Variants in INTS6 observed in about 807,000 individuals in gnomAD.
The protein encoded by INTS6 is integrator complex subunit 6, also known as DEAD box protein.
Under a neutral mutation model 104.9 loss-of-function variants are expected in INTS6, and 16 were observed. The ratio of observed to expected loss-of-function variants is 0.15; its 90% confidence interval spans 0.10 to 0.23. The LOEUF is 0.23. Among genes scored for constraint, INTS6 ranks in the 10% least tolerant of loss-of-function variants. The pLI is 1.00. For missense variants in INTS6, 584 were observed against 1,062.8 expected (o/e 0.55, Z 6.26); for synonymous variants, 324 against 358.7 (o/e 0.90, Z 1.09).
intron 3 of INTS6, among the ~76,000 whole-genome samples, chr13:51,434,016 C>T (rs1023890803): frequency 2.0e-5 from 3 of 152,216 alleles, no homozygotes; most frequent in African/African-American, 2.4e-5. Context: ...CTAAAATCCA[C>T]ATGGTCTTTC....
chr13:51,452,544 C>G lies in INTS6; in HGVS notation c.-19G>C. On this transcript the variant is annotated 5_prime_UTR_variant, in exon 1 of 18. Coordinates refer to ENST00000311234, the MANE Select transcript of INTS6 (RefSeq NM_012141.3). This position sits in a 1 kb window ranked among gnomAD's most constrained non-coding sequence, Gnocchi z 4.2. ...TGGGCATAGTGCTGGCCGGGGACAC[C>G]GGGGCCCGAGGTGGTGGAGAAAGAG... 6.2e-7 allele frequency: 1 copy of G among 1,607,944 alleles called. No individual in the cohort carries two copies. The highest frequency in any genetic ancestry group is 8.5e-7 in the Non-Finnish European group (1 of 1,176,434).
chr13:51,358,034 G>T (rs1473384874), downstream of INTS6, among the ~76,000 whole-genome samples: 1 of 152,136 alleles, frequency 6.6e-6, no homozygotes, highest in Non-Finnish European at 1.5e-5. Context: ...AATTGCAATA[G>T]AAAGAGGTGC....
At chr13:51,449,062 A>G (rs1006977186) in intron 3 of INTS6, 1 of 152,250 alleles carries the variant, frequency 6.6e-6, no homozygotes, top group African/African-American at 2.4e-5. Flanking sequence ...GATGAAAAAA[A>G]TCTTCTGGAA....
intron 15 of INTS6, among the ~76,000 whole-genome samples, chr13:51,372,578 G>A (rs1427031928): frequency 6.6e-6 from 1 of 152,064 alleles, no homozygotes; most frequent in African/African-American, 2.4e-5. Flanking sequence ...CTTCTCCTGA[G>A]CCCAAACTCA....
At chr13:51,437,023 T>TG (rs1276797062) in intron 3 of INTS6, 1 of 152,016 alleles carries the variant, frequency 6.6e-6, no homozygotes, top group African/African-American at 2.4e-5. Flanking sequence ...GAGACCGAGG[T>TG]GGGAGGACTG....
At chr13:51,417,003 C>A (rs1160028317) in intron 4 of INTS6, among the ~76,000 whole-genome samples, 1 of 152,192 alleles carries the variant, frequency 6.6e-6, no homozygotes, top group African/African-American at 2.4e-5. Flanking sequence ...CATGTACTTA[C>A]TAGCCATTTA....
chr13:51,356,927 C>A (rs1441922557), downstream of INTS6, among the ~76,000 whole-genome samples: 1 of 152,092 alleles, frequency 6.6e-6, no homozygotes, highest in Non-Finnish European at 1.5e-5. Context: ...TTCCTACTGA[C>A]AAAACATGCC....
At chr13:51,426,658 A>G (rs1956990634) in intron 4 of INTS6, among the ~76,000 whole-genome samples, 1 of 152,102 alleles carries the variant, frequency 6.6e-6, no homozygotes, top group Non-Finnish European at 1.5e-5. Flanking sequence ...TAAGAACCAG[A>G]TATGTCCTGT....
At chr13:51,346,999 T>C in the INTS6 span, 3 of 1,535,560 alleles carry the variant, frequency 2.0e-6, no homozygotes, top group Non-Finnish European at 2.7e-6. Flanking sequence ...ATTTAACCCA[T>C]GGCCACCTTG....
chr13:51,424,120 T>C (rs937294461), intron 4 of INTS6, among the ~76,000 whole-genome samples: 6 of 152,096 alleles, frequency 3.9e-5, no homozygotes, highest in Non-Finnish European at 7.4e-5. Flanking sequence ...GAAACATCTC[T>C]AAATAAAATT....
chr13:51,422,764 C>G (rs1956918217), intron 4 of INTS6, among the ~76,000 whole-genome samples: 1 of 152,148 alleles, frequency 6.6e-6, no homozygotes, highest in South Asian at 2.1e-4. Flanking sequence ...CCTTAGGGTG[C>G]TATTACCTGC....
At chr13:51,400,443 C>A (rs1956415984) in intron 4 of INTS6, among the ~76,000 whole-genome samples, 1 of 152,056 alleles carries the variant, frequency 6.6e-6, no homozygotes, top group Admixed American at 6.5e-5. Flanking sequence ...ATTATTTTCC[C>A]ACTTAAAATC....
At chr13:51,397,911 CTG>C (rs1555286581) in intron 4 of INTS6, among the ~76,000 whole-genome samples, 1 of 151,876 alleles carries the variant, frequency 6.6e-6, no homozygotes, top group Non-Finnish European at 1.5e-5. Flanking sequence ...TGGCCTTTGG[CTG>C]TACAATGCTG....
intron 3 of INTS6, among the ~76,000 whole-genome samples, chr13:51,433,532 A>G (rs925189401): frequency 1.3e-5 from 2 of 152,268 alleles, no homozygotes; most frequent in Non-Finnish European, 1.5e-5. Flanking sequence ...ATTATCTTTC[A>G]GAGGCAAGAG....
Position 51,379,458 on chromosome 13 carries a change from T to C in INTS6, c.1386+4A>G. 2 of 1,553,190 alleles carry C rather than the reference T, an allele frequency of 1.3e-6. No individual in the cohort carries two copies. Among genetic ancestry groups the C allele is most frequent in the South Asian group, 1.2e-5 (1 of 86,764 alleles). ...TAATGGCTCACTCTATTTCTTGATA[T>C]TACCTGTTGACTCAGTTTTTTGAGG... On this transcript the variant is annotated splice_donor_region_variant and intron_variant, in intron 11 of 17. Coordinates refer to ENST00000311234, the MANE Select transcript of INTS6 (RefSeq NM_012141.3).
intron 4 of INTS6, among the ~76,000 whole-genome samples, chr13:51,399,880 C>A (rs1956405586): frequency 6.6e-6 from 1 of 152,124 alleles, no homozygotes; most frequent in African/African-American, 2.4e-5. Context: ...GGTTGTCTAG[C>A]TTTCTCTTAT....
Position 51,364,028 on chromosome 13 carries a change from A to AAT in INTS6, c.*1722_*1723dup. 3.0e-6 allele frequency: 1 copy of AAT among 337,778 alleles called. No homozygotes were observed. The highest frequency in any genetic ancestry group is 5.3e-6 in the Non-Finnish European group (1 of 189,922). 20.9% of individuals were successfully genotyped at this position (337,778 alleles called of 1,614,324 possible). On this transcript the variant is annotated 3_prime_UTR_variant, in exon 18 of 18. Coordinates refer to ENST00000311234, the MANE Select transcript of INTS6 (RefSeq NM_012141.3). ...TTCCTCCTAGTAATTCCAGAATCTAAATATATATAATTTAGGAACAGACAA... is the reference window on the plus strand; with the variant it reads ...TTCCTCCTAGTAATTCCAGAATCTAAATATATATATAATTTAGGAACAGACAA...
intron 3 of INTS6, among the ~76,000 whole-genome samples, chr13:51,435,917 G>T (rs1269577253): frequency 6.6e-6 from 1 of 151,910 alleles, no homozygotes; most frequent in Non-Finnish European, 1.5e-5. Context: ...AATTACTTAA[G>T]TCAATAAAGG....
intron 4 of INTS6, among the ~76,000 whole-genome samples, chr13:51,396,082 C>A (rs1454568628): frequency 6.6e-6 from 1 of 152,042 alleles, no homozygotes; most frequent in Non-Finnish European, 1.5e-5. Context: ...CAGGTGTGAG[C>A]CACCATGCCC....
Sources: gnomAD v4.1 joint callset for allele counts (sites outside exome capture counted in the v4.1 genomes callset) on GRCh38, gnomAD v4.1.1 for gene constraint, Gnocchi (gnomAD v3.1) non-coding constraint, MANE v1.5 for transcripts, NCBI Gene and HGNC (gene_info 2026-07-23, HGNC 2026-07-21) for gene names.